IL19: variants seen among roughly 807,000 people sequenced by gnomAD.
IL19 encodes interleukin-19.
A neutral mutation model predicts 19.5 loss-of-function variants in IL19; 15 were observed. The ratio of observed to expected loss-of-function variants is 0.77; its 90% CI spans 0.52 to 1.19. The LOEUF (loss-of-function observed/expected upper bound fraction) is 1.19, where lower values mean the gene tolerates loss of function less well. IL19 is among the 50% of genes most tolerant of loss of function. The pLI is 0.00. For synonymous variants in IL19, 78 were observed against 78.3 expected (o/e 1.00, Z 0.02); for missense variants, 199 against 213.1 (o/e 0.93, Z 0.41).
chr1:206,837,816 C>T (rs1429276153), intron 4 of IL19, among the ~76,000 whole-genome samples: 1 of 152,132 alleles, frequency 6.6e-6, no homozygotes, highest in East Asian at 1.9e-4. Flanking sequence ...TGTGTCAATG[C>T]ACTCCAGCCT....
At chr1:206,823,776 CT>C (rs1240843538) in intron 2 of IL19, among the ~76,000 whole-genome samples, 2 of 152,138 alleles carry the variant, frequency 1.3e-5, no homozygotes, top group African/African-American at 2.4e-5. Flanking sequence ...GGAGCCATCA[CT>C]GAAGGATAAG....
rs763671503 is a variant in IL19 at position 206,839,873 on chromosome 1, C to T, written c.234C>T (p.Thr78=). Reference sequence around the variant, plus strand: ...AGCCCTTAGATGTGTGCTGCGTGACCAAGAACCTCCTGGCGTTCTACGTGG... The same window carrying T: ...AGCCCTTAGATGTGTGCTGCGTGACTAAGAACCTCCTGGCGTTCTACGTGG... ...IIKPLDVCCV[T]KNLLAFYVDR... is the part of the protein sequence containing the mutation. Residue 78 remains threonine (T), a synonymous_variant, in exon 5 of 7, where the codon ACC becomes ACT. Coordinates refer to ENST00000659997, the MANE Select transcript of IL19 (RefSeq NM_153758.5). 19 of 1,613,812 alleles carry T rather than the reference C, an allele frequency of 1.2e-5. No individual in the cohort carries two copies. Among genetic ancestry groups the T allele is most frequent in the Admixed American group, 1.7e-5 (1 of 59,992 alleles).
At chr1:206,837,738 G>T (rs1486245605) in intron 4 of IL19, among the ~76,000 whole-genome samples, 1 of 152,190 alleles carries the variant, frequency 6.6e-6, no homozygotes, top group Non-Finnish European at 1.5e-5. Context: ...TCTATTCCCA[G>T]CTACTTGGGC....
At chr1:206,772,031 C>T (rs774710717) in intron 1 of IL19, among the ~76,000 whole-genome samples, 6 of 152,186 alleles carry the variant, frequency 3.9e-5, no homozygotes, top group Non-Finnish European at 8.8e-5. Flanking sequence ...TTTCTCAGCA[C>T]GAGAGAGAAC....
intron 2 of IL19, among the ~76,000 whole-genome samples, chr1:206,810,311 A>G (rs1056091501): frequency 2.6e-5 from 4 of 152,188 alleles, no homozygotes; most frequent in African/African-American, 9.7e-5. Flanking sequence ...TTGGCTGACT[A>G]AACCTTGGAC....
chr1:206,792,552 G>C (rs974077743), intron 1 of IL19, among the ~76,000 whole-genome samples: 3 of 152,090 alleles, frequency 2.0e-5, no homozygotes, highest in African/African-American at 7.2e-5. Flanking sequence ...CGCTTCCTGG[G>C]TTCAAGTGAT....
intron 2 of IL19, among the ~76,000 whole-genome samples, chr1:206,808,536 C>T (rs554207599): frequency 9.3e-4 from 141 of 150,902 alleles, no homozygotes; most frequent in Middle Eastern, 3.4e-3. Flanking sequence ...CCCATGTGCA[C>T]GCATGGTGGG....
Position 206,770,928 on chromosome 1 carries a change from GA to G in IL19, c.-298del. The G allele has an allele frequency of 3.7e-6, 6 of 1,614,160 alleles. No homozygotes were observed. The highest frequency in any genetic ancestry group is 5.1e-6 in the Non-Finnish European group (6 of 1,180,006). On this transcript the variant is annotated 5_prime_UTR_variant, in exon 1 of 7. The change abolishes the stop of an existing upstream ORF in the 5' untranslated region. Transcript: ENST00000659997. The stretch of plus-strand genomic sequence containing the variant: ...TTACACAGCGCCGTAGCCTCAGCCT[GA>G]GGGTCTTCAGGTTCTCCCCCAGGGA...
intron 1 of IL19, 66 bp from the exon 2 acceptor site, chr1:206,798,795 G>A: frequency 2.3e-6 from 2 of 859,328 alleles, no homozygotes; most frequent in South Asian, 3.3e-5. Flanking sequence ...CGACCTCAAA[G>A]CCACCAGAAG....
At chr1:206,785,935 G>A (rs1347577969) in intron 1 of IL19, among the ~76,000 whole-genome samples, 6 of 151,806 alleles carry the variant, frequency 4.0e-5, no homozygotes, top group Admixed American at 1.3e-4. Flanking sequence ...TACCTGCACC[G>A]AAGTGTATAA....
At chr1:206,805,998 G>C (rs2102464131) in intron 2 of IL19, among the ~76,000 whole-genome samples, 1 of 152,252 alleles carries the variant, frequency 6.6e-6, no homozygotes, top group South Asian at 2.1e-4. Context: ...TGTTCCTGTA[G>C]GGTGACATTC....
intron 2 of IL19, among the ~76,000 whole-genome samples, chr1:206,805,379 C>T (rs1222886201): frequency 6.6e-6 from 1 of 152,156 alleles, no homozygotes; most frequent in African/African-American, 2.4e-5. Context: ...AATCATTGAG[C>T]TGAAAAATGA....
At position 206,770,964 on chromosome 1, in the gene IL19, C is replaced by A. The variant is rs560908141; in HGVS notation, c.-263C>A. 8 of 1,614,084 alleles carry A rather than the reference C, an allele frequency of 5.0e-6. No homozygotes were observed. The highest frequency in any genetic ancestry group is 2.2e-5 in the East Asian group (1 of 44,884). On this transcript the variant is annotated 5_prime_UTR_variant, in exon 1 of 7. Transcript: ENST00000659997. ...GGTTCTCCCCCAGGGAGTTCACATG[C>A]GCCTTGATGTCTGGGTCTTGGTTCT...
chr1:206,832,382 C>A (rs570383430), intron 2 of IL19, among the ~76,000 whole-genome samples: 1 of 152,176 alleles, frequency 6.6e-6, no homozygotes. Context: ...AGACCTAATG[C>A]ATTTCATCCA....
chr1:206,790,455 A>G (rs1329053069), intron 1 of IL19, among the ~76,000 whole-genome samples: 2 of 152,192 alleles, frequency 1.3e-5, no homozygotes, highest in Admixed American at 6.5e-5. Flanking sequence ...CCTCCCAGGT[A>G]GAAAAAGAGG....
chr1:206,797,399 T>C (rs981771403), intron 1 of IL19, among the ~76,000 whole-genome samples: 7 of 152,122 alleles, frequency 4.6e-5, no homozygotes, highest in Admixed American at 3.3e-4. Flanking sequence ...GGTTTCCACA[T>C]TGACCTGCAG....
chr1:206,834,252 GA>G (rs1337817354), intron 2 of IL19: 3 of 985,322 alleles, frequency 3.0e-6, no homozygotes, highest in Non-Finnish European at 2.4e-6. Context: ...AAAACAAGGG[GA>G]AAAAACAATC....
At chr1:206,830,867 GCT>G in intron 2 of IL19, among the ~76,000 whole-genome samples, 1 of 152,148 alleles carries the variant, frequency 6.6e-6, no homozygotes, top group Non-Finnish European at 1.5e-5. Flanking sequence ...GTGAGCCACC[GCT>G]CCTGGCCTAC....
intron 1 of IL19, among the ~76,000 whole-genome samples, chr1:206,791,930 T>G (rs1036078523): frequency 7.8e-6 from 1 of 128,738 alleles, no homozygotes; most frequent in Non-Finnish European, 1.8e-5. Flanking sequence ...GTCCTGTGCA[T>G]GTGTGTGTGT....
Sources: allele counts gnomAD v4.1 joint callset (sites outside exome capture counted in the v4.1 genomes callset), GRCh38; gene constraint gnomAD v4.1.1; transcripts MANE v1.5; gene names NCBI Gene and HGNC (gene_info 2026-07-23, HGNC 2026-07-21).